TLL1: variants seen among roughly 807,000 people sequenced by gnomAD.
TLL1 encodes the protein tolloid-like protein 1.
TLL1 carries 49 observed loss-of-function variants against 128.2 expected under a neutral mutation model. The observed-to-expected ratio is 0.38, with a 90% CI of 0.30 to 0.48. The LOEUF is 0.48. Ranked by LOEUF, TLL1 falls within the 20% of genes least tolerant of loss-of-function variation. The pLI, the probability that TLL1 is intolerant of heterozygous loss-of-function variation, is 0.96. For missense variants in TLL1, 1,123 were observed against 1,242.0 expected (o/e 0.90, Z 1.44); for synonymous variants, 454 against 418.8 (o/e 1.08, Z -1.03).
intron 1 of TLL1, among the ~76,000 whole-genome samples, chr4:165,961,921 G>A (rs1358788745): frequency 6.6e-6 from 1 of 151,946 alleles, no homozygotes; most frequent in Non-Finnish European, 1.5e-5. Context: ...CCTCCCTTCA[G>A]GATAAAAACC....
chr4:165,903,061 G>C (rs892352098), intron 1 of TLL1, among the ~76,000 whole-genome samples: 9 of 152,118 alleles, frequency 5.9e-5, no homozygotes, highest in African/African-American at 1.7e-4. Flanking sequence ...ACAATAGGCC[G>C]GGTGCGGTGG....
At chr4:166,052,539 C>T (rs908207145) in intron 12 of TLL1, among the ~76,000 whole-genome samples, 1 of 152,156 alleles carries the variant, frequency 6.6e-6, no homozygotes, top group Non-Finnish European at 1.5e-5. Flanking sequence ...ATGTGATCCA[C>T]CTGCTAAGAC....
intron 1 of TLL1, among the ~76,000 whole-genome samples, chr4:165,936,503 A>T (rs1733770086): frequency 1.3e-5 from 2 of 151,750 alleles, no homozygotes; most frequent in South Asian, 4.1e-4. Flanking sequence ...CACCTGGACT[A>T]TTTATATTTT....
chr4:165,929,950 CAA>C (rs1733441431), intron 1 of TLL1, among the ~76,000 whole-genome samples: 1 of 152,148 alleles, frequency 6.6e-6, no homozygotes, highest in Non-Finnish European at 1.5e-5. Flanking sequence ...TGACATTTGG[CAA>C]ACTCTTTTTT....
At chr4:165,908,090 G>A (rs956226871) in intron 1 of TLL1, among the ~76,000 whole-genome samples, 2 of 152,148 alleles carry the variant, frequency 1.3e-5, no homozygotes, top group South Asian at 2.1e-4. Flanking sequence ...GGCACTTGAT[G>A]TTTTTCAAAG....
rs759356958 is a variant in TLL1, at chr4:166,057,205, C to A, written c.1742C>A (p.Pro581His). The change falls in exon 14 of 21, where the codon CCT (proline) becomes CAT (histidine). Residue 581 changes from proline to histidine, a missense_variant. Around this residue, in one of 3 missense-constraint regions of TLL1, gnomAD observed 634 missense variants for 672.4 expected, o/e 0.94. Transcript: ENST00000061240. ...ATAGAGGAAGATGAGTGTGCCAAAC[C>A]TGACCGTGGAGGCTGTGAGCAGCGA... Reference protein sequence around the residue: ...FFKEEDECAKPDRGGCEQRCL... With the variant: ...FFKEEDECAKHDRGGCEQRCL... The A allele has an allele frequency of 6.2e-7, 1 of 1,613,594 alleles. No homozygotes were observed. The highest frequency in any genetic ancestry group is 1.3e-5 in the African/African-American group (1 of 74,826).
chr4:166,023,299 C>T (rs1275844945), intron 8 of TLL1, among the ~76,000 whole-genome samples: 1 of 152,130 alleles, frequency 6.6e-6, no homozygotes, highest in South Asian at 2.1e-4. Context: ...ATTCGTGAGA[C>T]TGAGGCAAGA....
At position 165,986,504 on chromosome 4, in the gene TLL1, A is replaced by T. The variant is rs552555814; in HGVS notation, c.170-2877A>T. 2.0e-4 allele frequency among the ~76,000 whole-genome samples: 30 copies of T among 152,190 alleles called. No homozygotes were observed. In the South Asian group the frequency reaches 6.2e-3, roughly 32 times the overall value. On this transcript the variant is annotated intron_variant, in intron 1 of 20. Coordinates refer to ENST00000061240, the MANE Select transcript of TLL1 (RefSeq NM_012464.5). ...GTGTGTCAAGTCTGGCCGTAAATGA[A>T]TTGGCTTAGTCACTCACTATTGCTT...
At chr4:166,038,033 A>G (rs975499244) in intron 9 of TLL1, among the ~76,000 whole-genome samples, 4 of 152,168 alleles carry the variant, frequency 2.6e-5, no homozygotes, top group Non-Finnish European at 5.9e-5. Flanking sequence ...ATCCTGTGTC[A>G]TTTGGGAAAG....
At chr4:166,083,117 G>A (rs1308577542) in intron 18 of TLL1, among the ~76,000 whole-genome samples, 2 of 152,106 alleles carry the variant, frequency 1.3e-5, no homozygotes, top group African/African-American at 4.8e-5. Context: ...ATGGGCAAGG[G>A]CAGCGATGAA....
At chr4:165,906,143 A>G (rs947272658) in intron 1 of TLL1, among the ~76,000 whole-genome samples, 2 of 152,216 alleles carry the variant, frequency 1.3e-5, no homozygotes, top group Non-Finnish European at 2.9e-5. Flanking sequence ...CTTTTATGCT[A>G]CAACAGCGTA....
intron 1 of TLL1, among the ~76,000 whole-genome samples, chr4:165,950,084 A>G (rs759742665): frequency 2.0e-5 from 3 of 152,144 alleles, no homozygotes; most frequent in Non-Finnish European, 4.4e-5. Context: ...GAAAAAATAT[A>G]CCACACAAAC....
At chr4:166,095,429 G>T (rs746874472) in intron 19 of TLL1, among the ~76,000 whole-genome samples, 1 of 151,734 alleles carries the variant, frequency 6.6e-6, no homozygotes, top group Non-Finnish European at 1.5e-5. Context: ...AAAAAATCCT[G>T]TGTCTTTTCT....
At chr4:165,899,160 C>T (rs1024966212) in intron 1 of TLL1, among the ~76,000 whole-genome samples, 3 of 152,046 alleles carry the variant, frequency 2.0e-5, no homozygotes, top group African/African-American at 7.2e-5. Flanking sequence ...TTAATCTTTT[C>T]AAACAACCAG....
Position 166,064,808 on chromosome 4 carries a change from C to A in TLL1, c.2008-875C>A, listed in dbSNP as rs188953080. Among the ~76,000 whole-genome samples, 895 of 152,172 alleles carry A rather than the reference C, an allele frequency of 5.9e-3. 6 individuals are homozygous for A. The highest frequency in any genetic ancestry group is 0.02 in the Middle Eastern group (6 of 294). ...AAAGTTATTTCATTTTCCCTAGCAG[C>A]ATTTTGCTTATTCATCACCTATTTA... On this transcript the variant is annotated intron_variant, in intron 15 of 20. Transcript: ENST00000061240.
chr4:165,894,842 A>AGTGTGT (rs34248657), intron 1 of TLL1, among the ~76,000 whole-genome samples: 220 of 142,114 alleles, frequency 1.5e-3, no homozygotes, highest in African/African-American at 4.3e-3. Flanking sequence ...TCAAATGATG[A>AGTGTGT]GTGTGTGTGT....
intron 12 of TLL1, among the ~76,000 whole-genome samples, chr4:166,050,508 G>A (rs147140513): frequency 2.1e-3 from 323 of 152,144 alleles, no homozygotes; most frequent in African/African-American, 7.5e-3. Context: ...TATTTTTTAG[G>A]GAGCATGGGA....
chr4:166,098,892 A>G (rs1742150773), intron 19 of TLL1, among the ~76,000 whole-genome samples: 1 of 152,152 alleles, frequency 6.6e-6, no homozygotes, highest in Admixed American at 6.6e-5. Flanking sequence ...ATTAGGTAGA[A>G]CAATTTTAAA....
intron 1 of TLL1, among the ~76,000 whole-genome samples, chr4:165,981,604 A>C (rs1047417332): frequency 3.9e-5 from 6 of 152,068 alleles, no homozygotes; most frequent in African/African-American, 1.4e-4. Context: ...GCAGTTATTT[A>C]TAAAGATTTT....
Sources: allele counts gnomAD v4.1 joint callset (sites outside exome capture counted in the v4.1 genomes callset), GRCh38; gene constraint gnomAD v4.1.1; regional missense constraint gnomAD v4.1.1; transcripts MANE v1.5; gene names NCBI Gene and HGNC (gene_info 2026-07-23, HGNC 2026-07-21).